BTBD19: variants seen among roughly 807,000 people sequenced by gnomAD.
BTBD19 encodes the protein BTB/POZ domain-containing protein 19.
Under a neutral mutation model 36.1 loss-of-function variants are expected in BTBD19, and 20 were observed. That is an observed-to-expected ratio of 0.55 (90% CI 0.39 to 0.80). The LOEUF (loss-of-function observed/expected upper bound fraction) is 0.80, where lower values mean the gene tolerates loss of function less well. BTBD19 is among the 30% of genes least tolerant of loss of function. BTBD19 has a pLI of 0.00. For synonymous variants in BTBD19, 157 were observed against 174.3 expected (o/e 0.90, Z 0.78); for missense variants, 325 against 389.8 (o/e 0.83, Z 1.40).
intron 3 of BTBD19, among the ~76,000 whole-genome samples, chr1:44,811,391 G>A (rs536426484): frequency 6.6e-6 from 1 of 152,276 alleles, no homozygotes; most frequent in Non-Finnish European, 1.5e-5. Context: ...GGGGAAGTGG[G>A]AAGATGGTAT....
At position 44,810,147 on chromosome 1, in the gene BTBD19, G is replaced by C; in HGVS notation, c.87-66G>C. 1 of 1,396,234 alleles carries C rather than the reference G, an allele frequency of 7.2e-7. No individual in the cohort carries two copies. Among genetic ancestry groups the C allele is most frequent in the Non-Finnish European group, 9.9e-7 (1 of 1,012,542 alleles). The allele number at this position is 1,396,234 out of a possible 1,614,324, so 86.5% of individuals were successfully genotyped here. A position where few individuals can be genotyped will look rare whatever the true frequency, so the allele number is the denominator to read the frequency against. On this transcript the variant is annotated intron_variant, in intron 1 of 7. Coordinates refer to ENST00000450269, the Ensembl canonical transcript of BTBD19. This position sits in a 1 kb window ranked among gnomAD's most constrained non-coding sequence, Gnocchi z 4.2. ...AAACTAAGACCCAGAGTGGGCAAAGGCACAGCCCAAGTTGCACTCCGGGTG... is the reference window on the plus strand; with the variant it reads ...AAACTAAGACCCAGAGTGGGCAAAGCCACAGCCCAAGTTGCACTCCGGGTG...
intron 1 of BTBD19, among the ~76,000 whole-genome samples, chr1:44,809,414 G>A (rs1652296846): frequency 2.0e-5 from 3 of 152,186 alleles, no homozygotes; most frequent in Admixed American, 2.0e-4. Flanking sequence ...AGTGGTGTCT[G>A]AAACCAGGGG....
rs1405154868 is a variant in BTBD19 at position 44,813,799 on chromosome 1, C to T, written c.*27C>T. On this transcript the variant is annotated 3_prime_UTR_variant, in exon 8 of 8. Coordinates refer to ENST00000450269, the Ensembl canonical transcript of BTBD19. This position sits in a 1 kb window ranked among gnomAD's most constrained non-coding sequence, Gnocchi z 7.8. ...CCAACGCCGGGACTCGCAGGGAGCCCTCGACCCGCCCAGCTGAGCCTGCCC... is the reference window on the plus strand; with the variant it reads ...CCAACGCCGGGACTCGCAGGGAGCCTTCGACCCGCCCAGCTGAGCCTGCCC... 2 of 1,550,970 alleles carry T rather than the reference C, an allele frequency of 1.3e-6. No homozygotes were observed. Among genetic ancestry groups the T allele is most frequent in the African/African-American group, 2.7e-5 (2 of 73,040 alleles).
chr1:44,814,212 T>TTTTC (rs796749305), downstream of BTBD19: 1 of 109,306 alleles, frequency 9.1e-6, no homozygotes, highest in South Asian at 2.7e-4. Flanking sequence ...CTTTCTTTCT[T>TTTTC]TTTCTTTCTT....
In BTBD19 at chr1:44,810,603, G is replaced by C. The variant is rs1454274545; in HGVS notation, c.350G>C (p.Arg117Thr). 4 of 1,543,822 alleles carry C rather than the reference G, an allele frequency of 2.6e-6. No homozygotes were observed. The highest frequency in any genetic ancestry group is 3.5e-6 in the Non-Finnish European group (4 of 1,143,392). Reference sequence around the variant, plus strand: ...GTGGAGTATGGGCTGGAGGAACTGAGAGAGGTGGGTTTTTGTGCCAGGTCC... The same window carrying C: ...GTGGAGTATGGGCTGGAGGAACTGACAGAGGTGGGTTTTTGTGCCAGGTCC... The change falls in exon 3 of 8, where the codon AGA becomes ACA. Residue 117 changes from arginine (R) to threonine (T), a missense_variant. Physicochemically the swap from Arg to Thr is moderately conservative, Grantham distance 71 (BLOSUM62 -1). Coordinates refer to ENST00000450269, the Ensembl canonical transcript of BTBD19. The surrounding 1 kb of genome is among the most constrained non-coding windows in gnomAD (Gnocchi z 4.2).
At position 44,813,745 on chromosome 1, in the gene BTBD19, C is replaced by G; in HGVS notation, c.849C>G (p.His283Gln). The G allele has an allele frequency of 1.3e-6, 2 of 1,551,568 alleles. No individual in the cohort carries two copies. Among genetic ancestry groups the G allele is most frequent in the South Asian group, 2.4e-5 (2 of 84,060 alleles). ...GAGGCACCCTGCCCCGGGAGCATCA[C>G]CGCTTTCTGGACCTGTCCTTCAAAT... is the stretch of plus-strand genomic sequence containing the variant. Residue 283 changes from histidine to glutamine, a missense_variant, in exon 8 of 8, where the codon CAC (histidine) becomes CAG (glutamine). By Grantham distance (24) the His-to-Gln change is conservative. Coordinates refer to ENST00000450269, the Ensembl canonical transcript of BTBD19. This position sits in a 1 kb window ranked among gnomAD's most constrained non-coding sequence, Gnocchi z 7.8.
chr1:44,812,420 G>C (rs755801431), intron 4 of BTBD19: 8 of 455,232 alleles, frequency 1.8e-5, no homozygotes, highest in Non-Finnish European at 3.5e-5. Flanking sequence ...TAGAAGTCAA[G>C]CTGGGTCAGG....
chr1:44,809,347 A>G (rs1436330077), intron 1 of BTBD19, among the ~76,000 whole-genome samples: 1 of 152,212 alleles, frequency 6.6e-6, no homozygotes, highest in East Asian at 1.9e-4. Context: ...AGATTGAGCC[A>G]TAGTCCCTGA....
chr1:44,813,375 C>T lies in BTBD19; in HGVS notation c.617C>T (p.Ala206Val), dbSNP rs1244840291. ...CCGACTCAGGGCTGGCGTTTGCAGG[C>T]GGTGCTGGAGCGGCCGGTGGCTGAG... Residue 206 changes from alanine (A) to valine (V), a missense_variant and splice_region_variant, in exon 7 of 8, where the codon GCG (alanine) becomes GTG (valine). Ala to Val is a moderately conservative substitution (Grantham distance 64). Coordinates refer to ENST00000450269, the Ensembl canonical transcript of BTBD19. The surrounding 1 kb of genome is among the most constrained non-coding windows in gnomAD (Gnocchi z 7.8). The T allele has an allele frequency of 4.5e-6, 7 of 1,546,374 alleles. No individual in the cohort carries two copies. The highest frequency in any genetic ancestry group is 3.9e-5 in the Admixed American group (2 of 50,958).
At chr1:44,812,425 G>A (rs761214722) in intron 4 of BTBD19, 43 of 455,132 alleles carry the variant, frequency 9.4e-5, no homozygotes, top group African/African-American at 8.2e-4. Context: ...GTCAAGCTGG[G>A]TCAGGCACAA....
chr1:44,812,391 A>G, intron 4 of BTBD19: 1 of 455,276 alleles, frequency 2.2e-6, no homozygotes. Flanking sequence ...TGGGGTAGGG[A>G]AAGGGTGGCT....
rs1410731712 is a variant in BTBD19 at position 44,810,543 on chromosome 1, C to G, written c.301-11C>G. 16 of 1,550,416 alleles carry G rather than the reference C, an allele frequency of 1.0e-5. No homozygotes were observed. In the Admixed American group the frequency reaches 3.1e-4, roughly 30 times the overall value. On this transcript the variant is annotated splice_polypyrimidine_tract_variant and intron_variant, in intron 2 of 7. Coordinates refer to ENST00000450269, the Ensembl canonical transcript of BTBD19. The surrounding 1 kb of genome is among the most constrained non-coding windows in gnomAD (Gnocchi z 4.2). ...AACTCCCTTCCACTCCCCCAACCAC[C>G]CACTCTACAGGTGCTGGAAGTGCTG...
chr1:44,813,043 T>C lies in BTBD19; in HGVS notation c.462T>C (p.Ala154=), dbSNP rs1480688609. The C allele has an allele frequency of 6.4e-7, 1 of 1,551,308 alleles. No homozygotes were observed. The highest frequency in any genetic ancestry group is 8.7e-7 in the Non-Finnish European group (1 of 1,146,858). ...GGCAGCTGCAGGAGCGCTGCGTGGC[T>C]TTCATAGAGGCCCACAGCCAGGTAC... Residue 154 remains alanine, a synonymous_variant, in exon 5 of 8, where the codon GCT becomes GCC. Transcript: ENST00000450269. The surrounding 1 kb of genome is among the most constrained non-coding windows in gnomAD (Gnocchi z 7.8).
chr1:44,812,915 C>T, intron 4 of BTBD19, 81 bp from the exon 5 acceptor site: 1 of 1,335,322 alleles, frequency 7.5e-7, no homozygotes, highest in Non-Finnish European at 1.0e-6. Flanking sequence ...TAGGGTCAGG[C>T]TTGCAGTGGT....
At chr1:44,814,964 T>G (rs1030512421), downstream of BTBD19, 1 of 152,304 alleles carries the variant, frequency 6.6e-6, no homozygotes, top group Non-Finnish European at 1.5e-5. Context: ...TCCCCAGCTC[T>G]GCCCCCATCG....
chr1:44,812,253 T>C (rs2148864161), intron 4 of BTBD19, among the ~76,000 whole-genome samples, 155 bp downstream of exon 4: 1 of 152,080 alleles, frequency 6.6e-6, no homozygotes, highest in South Asian at 2.1e-4. Context: ...TAGGATGAAT[T>C]CTGTGCCTAG....
At chr1:44,811,927 C>A in intron 3 of BTBD19, 112 bp from the exon 4 acceptor site, 1 of 819,066 alleles carries the variant, frequency 1.2e-6, no homozygotes, top group Non-Finnish European at 1.8e-6. Flanking sequence ...CAGGATGGGT[C>A]TGGGGCTGCT....
chr1:44,814,164 T>G (rs113223337), downstream of BTBD19: 5,230 of 120,370 alleles, frequency 0.043, 143 homozygotes, highest in Non-Finnish European at 0.052. Context: ...CTTTCTTTCT[T>G]TCTTTCTTTC....
downstream of BTBD19, chr1:44,815,239 G>C (rs1652652001): frequency 6.6e-6 from 1 of 152,142 alleles, no homozygotes; most frequent in Admixed American, 6.5e-5. Flanking sequence ...TGGGGCTTAA[G>C]TCCTGGAACA....
Sources: allele counts gnomAD v4.1 joint callset (sites outside exome capture counted in the v4.1 genomes callset), GRCh38; gene constraint gnomAD v4.1.1; non-coding constraint Gnocchi (gnomAD v3.1); transcripts MANE v1.5; gene names NCBI Gene and HGNC (gene_info 2026-07-23, HGNC 2026-07-21).